LRP1B: variants seen among roughly 807,000 people sequenced by gnomAD.
The protein encoded by LRP1B is low-density lipoprotein receptor-related protein 1B.
In LRP1B, 217 loss-of-function variants were observed where a neutral mutation model predicts 556.6. The observed-to-expected ratio is 0.39, with a 90% confidence interval of 0.35 to 0.44. The LOEUF is 0.44. Ranked by LOEUF, LRP1B falls within the 20% of genes least tolerant of loss-of-function variation. The pLI is 1.00. For synonymous variants in LRP1B, 2,047 were observed against 1,865.8 expected, an observed-to-expected ratio of 1.10 and a Z score of -2.50; for missense variants, 5,053 against 5,620.8, an observed-to-expected ratio of 0.90 and a Z score of 3.23.
At chr2:141,046,754 C>G (rs115359758) in intron 11 of LRP1B, among the ~76,000 whole-genome samples, 6,347 of 152,044 alleles carry the variant, frequency 0.042, 197 homozygotes, top group Middle Eastern at 0.12. Context: ...AAAAGGAAAC[C>G]AAGAACTCTC....
chr2:140,415,276 A>T (rs367637801), intron 66 of LRP1B, among the ~76,000 whole-genome samples: 39 of 150,526 alleles, frequency 2.6e-4, no homozygotes, highest in African/African-American at 7.2e-4. Context: ...TTGGACCCTT[A>T]TCAGTAGTTC....
At chr2:140,562,416 G>C (rs1680963444) in intron 43 of LRP1B, among the ~76,000 whole-genome samples, 1 of 152,088 alleles carries the variant, frequency 6.6e-6, no homozygotes, top group Admixed American at 6.6e-5. Flanking sequence ...CATGTTTACA[G>C]ATACAATGTC....
rs370792045 is a variant in LRP1B at position 141,870,233 on chromosome 2, A to T, written c.83-59832T>A. On this transcript the variant is annotated intron_variant, in intron 1 of 90. Transcript: ENST00000389484. ...TCTGTCTTGTTACTTTTTCAAAATG[A>T]CTCTTATTTTTATTCTTCCTCTCTA... Among the ~76,000 whole-genome samples, 4 of 151,784 alleles carry T rather than the reference A, an allele frequency of 2.6e-5. No individual in the cohort carries two copies. The East Asian group carries it at 7.8e-4, about 29-fold the overall frequency.
intron 1 of LRP1B, among the ~76,000 whole-genome samples, chr2:141,978,213 A>C (rs1209425055): frequency 6.6e-6 from 1 of 152,034 alleles, no homozygotes; most frequent in Admixed American, 6.6e-5. Context: ...TTTCTGAAAA[A>C]CACAACGTCT....
At chr2:141,426,527 A>G (rs1427204412) in intron 3 of LRP1B, among the ~76,000 whole-genome samples, 2 of 152,160 alleles carry the variant, frequency 1.3e-5, no homozygotes, top group East Asian at 3.8e-4. Context: ...ATATAATACC[A>G]AAGCTTCTTT....
intron 1 of LRP1B, among the ~76,000 whole-genome samples, chr2:142,045,195 G>C (rs1474179416): frequency 6.6e-6 from 1 of 150,842 alleles, no homozygotes; most frequent in Admixed American, 6.6e-5. Flanking sequence ...GGAGTAAGCA[G>C]GAATAGAACA....
intron 7 of LRP1B, among the ~76,000 whole-genome samples, chr2:141,105,650 C>A: frequency 6.6e-6 from 1 of 152,126 alleles, no homozygotes; most frequent in Admixed American, 6.5e-5. Flanking sequence ...CTGTCAAACT[C>A]TTTGGAAAAG....
intron 41 of LRP1B, among the ~76,000 whole-genome samples, chr2:140,627,207 G>A (rs1364228241): frequency 6.6e-6 from 1 of 152,270 alleles, no homozygotes; most frequent in African/African-American, 2.4e-5. Flanking sequence ...AATAATGAGT[G>A]TCGACTTGAT....
chr2:142,016,212 G>A (rs571915385), intron 1 of LRP1B, among the ~76,000 whole-genome samples: 9 of 152,116 alleles, frequency 5.9e-5, no homozygotes, highest in Middle Eastern at 3.4e-3. Context: ...AAATAGGAAC[G>A]CTTTTACACT....
chr2:142,048,317 G>C (rs1704328742), intron 1 of LRP1B, among the ~76,000 whole-genome samples: 1 of 152,006 alleles, frequency 6.6e-6, no homozygotes, highest in African/African-American at 2.4e-5. Flanking sequence ...AGCTTTTGGA[G>C]GTTAACTAAC....
intron 3 of LRP1B, among the ~76,000 whole-genome samples, chr2:141,333,555 A>G (rs1392279445): frequency 6.6e-6 from 1 of 152,208 alleles, no homozygotes; most frequent in East Asian, 1.9e-4. Context: ...AGCTCATAAT[A>G]GTATACTATT....
At chr2:141,223,093 A>G (rs1392055072) in intron 6 of LRP1B, among the ~76,000 whole-genome samples, 1 of 152,176 alleles carries the variant, frequency 6.6e-6, no homozygotes, top group East Asian at 1.9e-4. Flanking sequence ...GAGGAAGTTG[A>G]GTTGTCTTTG....
intron 2 of LRP1B, among the ~76,000 whole-genome samples, chr2:141,706,334 C>T (rs916971249): frequency 2.6e-5 from 4 of 152,078 alleles, no homozygotes; most frequent in East Asian, 1.9e-4. Context: ...AGGCAGACAA[C>T]GAGGCACAGA....
At chr2:142,014,108 G>A (rs968672108) in intron 1 of LRP1B, among the ~76,000 whole-genome samples, 1 of 149,798 alleles carries the variant, frequency 6.7e-6, no homozygotes, top group Non-Finnish European at 1.5e-5. Context: ...TAGAGTGGAC[G>A]CATTCCTCCT....
At chr2:141,459,827 G>C (rs932354332) in intron 3 of LRP1B, among the ~76,000 whole-genome samples, 1 of 152,114 alleles carries the variant, frequency 6.6e-6, no homozygotes, top group African/African-American at 2.4e-5. Context: ...CCAGTCTTGG[G>C]TATGTCTTTA....
intron 2 of LRP1B, among the ~76,000 whole-genome samples, chr2:141,713,008 C>T (rs1353830228): frequency 6.6e-6 from 1 of 151,670 alleles, no homozygotes; most frequent in African/African-American, 2.4e-5. Flanking sequence ...TATACAAGTA[C>T]ATTAGACAGA....
chr2:141,005,600 T>C (rs1389917680), intron 14 of LRP1B, 143 bp from the exon 15 acceptor site: 2 of 645,830 alleles, frequency 3.1e-6, no homozygotes, highest in Non-Finnish European at 4.6e-6. Context: ...TGTTGAATCA[T>C]AACTAAATTC....
chr2:141,410,543 C>T (rs530795503), intron 3 of LRP1B, among the ~76,000 whole-genome samples: 14 of 152,120 alleles, frequency 9.2e-5, no homozygotes, highest in South Asian at 6.2e-4. Context: ...GAAACCATCG[C>T]GTGTGTCTGT....
chr2:140,587,301 T>A (rs9989762), intron 43 of LRP1B, among the ~76,000 whole-genome samples: 29,776 of 151,908 alleles, frequency 0.2, 3,525 homozygotes, highest in African/African-American at 0.33. Context: ...ACTTGAAAAA[T>A]GTCAAGGCTG....
Sources: allele counts gnomAD v4.1 joint callset (sites outside exome capture counted in the v4.1 genomes callset), GRCh38; gene constraint gnomAD v4.1.1; transcripts MANE v1.5; gene names NCBI Gene and HGNC (gene_info 2026-07-23, HGNC 2026-07-21).